RBFOX1: variants seen among roughly 807,000 people sequenced by gnomAD.
RBFOX1 encodes RNA binding protein fox-1 homolog 1.
RBFOX1 carries 8 observed loss-of-function variants against 57.7 expected under a neutral mutation model. The observed-to-expected ratio is 0.14, with a 90% CI of 0.08 to 0.25. The LOEUF (loss-of-function observed/expected upper bound fraction) is 0.25. Ranked by LOEUF, RBFOX1 falls within the 10% of genes least tolerant of loss-of-function variation. The probability of loss-of-function intolerance (pLI) is 1.00; values close to 1 mark genes in which losing one functional copy is unlikely to be tolerated. For missense variants in RBFOX1, 611 were observed against 548.5 expected, an observed-to-expected ratio of 1.11 and a Z score of -1.14; for synonymous variants, 326 against 222.4, an observed-to-expected ratio of 1.47 and a Z score of -4.15.
intron 3 of RBFOX1, among the ~76,000 whole-genome samples, chr16:6,953,511 G>A (rs1472149993): frequency 2.0e-5 from 3 of 152,038 alleles, no homozygotes; most frequent in South Asian, 2.1e-4. Flanking sequence ...TCAGCCTCCC[G>A]AGTAGCTGGG....
At chr16:7,013,062 C>T (rs2093727495) in intron 3 of RBFOX1, among the ~76,000 whole-genome samples, 1 of 152,106 alleles carries the variant, frequency 6.6e-6, no homozygotes, top group South Asian at 2.1e-4. Context: ...CAGTAATCCC[C>T]TTATGAGGAT....
chr16:6,403,645 G>A (rs906456958), intron 2 of RBFOX1, among the ~76,000 whole-genome samples: 6 of 152,070 alleles, frequency 3.9e-5, no homozygotes, highest in Non-Finnish European at 7.4e-5. Context: ...ATGAGCCACC[G>A]TGCCTGACAT....
intron 3 of RBFOX1, among the ~76,000 whole-genome samples, chr16:5,647,432 T>A (rs73529748): frequency 0.011 from 1,652 of 152,358 alleles, 30 homozygotes; most frequent in African/African-American, 0.037. Flanking sequence ...GTTTCATGTT[T>A]CATGTTTTTG....
chr16:6,960,542 C>A (rs182674170), intron 3 of RBFOX1, among the ~76,000 whole-genome samples: 1 of 152,050 alleles, frequency 6.6e-6, no homozygotes, highest in Admixed American at 6.6e-5. Flanking sequence ...TCAGGAGTCA[C>A]CTCTTTCTTG....
intron 1 of RBFOX1, among the ~76,000 whole-genome samples, chr16:5,299,936 CACTTT>C (rs2063762425): frequency 6.6e-6 from 1 of 151,692 alleles, no homozygotes; most frequent in Non-Finnish European, 1.5e-5. Flanking sequence ...TTAATAGATG[CACTTT>C]ATCACATTGA....
chr16:6,455,179 C>T (rs1213659433), intron 2 of RBFOX1, among the ~76,000 whole-genome samples: 4 of 151,910 alleles, frequency 2.6e-5, no homozygotes, highest in Admixed American at 6.6e-5. Flanking sequence ...AGGCGTGAGC[C>T]GCCACGCCTG....
chr16:7,058,369 C>T (rs916914147), intron 4 of RBFOX1, among the ~76,000 whole-genome samples: 1 of 152,046 alleles, frequency 6.6e-6, no homozygotes, highest in Non-Finnish European at 1.5e-5. Context: ...GAGCCTCCAG[C>T]CCCAGAGCAT....
At chr16:5,501,318 C>CAAAAAAAAAAAAAAA (rs1160788118) in intron 2 of RBFOX1, among the ~76,000 whole-genome samples, 37 of 64,866 alleles carry the variant, frequency 5.7e-4, no homozygotes, top group South Asian at 7.1e-4. Flanking sequence ...ACTCTGTCTA[C>CAAAAAAAAAAAAAAA]AAAAAAAAAA....
chr16:6,769,361 C>G (rs980141827), intron 3 of RBFOX1, among the ~76,000 whole-genome samples: 5 of 152,150 alleles, frequency 3.3e-5, no homozygotes, highest in African/African-American at 9.7e-5. Flanking sequence ...CGTAAGTTGC[C>G]TAGGCTTGAG....
intron 2 of RBFOX1, among the ~76,000 whole-genome samples, chr16:6,487,025 C>A (rs768373272): frequency 6.6e-6 from 1 of 151,990 alleles, no homozygotes; most frequent in Non-Finnish European, 1.5e-5. Context: ...GTTTGGAAAC[C>A]ATCGCATATT....
At chr16:5,775,066 C>T (rs1311625469) in intron 3 of RBFOX1, among the ~76,000 whole-genome samples, 3 of 152,160 alleles carry the variant, frequency 2.0e-5, no homozygotes, top group Admixed American at 2.0e-4. Context: ...GGAAAATCTC[C>T]ACAGTGCTTA....
intron 3 of RBFOX1, among the ~76,000 whole-genome samples, chr16:6,825,655 A>G (rs1163175311): frequency 6.6e-6 from 1 of 152,174 alleles, no homozygotes; most frequent in Non-Finnish European, 1.5e-5. Context: ...GCTTCACTGC[A>G]GAAAGCAGGA....
chr16:6,991,213 T>C (rs2091389703), intron 3 of RBFOX1, among the ~76,000 whole-genome samples: 1 of 149,844 alleles, frequency 6.7e-6, no homozygotes, highest in Non-Finnish European at 1.5e-5. Flanking sequence ...GGCAGGAGAA[T>C]TACTTGAGCC....
intron 1 of RBFOX1, among the ~76,000 whole-genome samples, chr16:5,325,788 T>C (rs2064553499): frequency 6.6e-6 from 1 of 152,246 alleles, no homozygotes; most frequent in Non-Finnish European, 1.5e-5. Flanking sequence ...TAGTATTCCA[T>C]TGTATGGATA....
chr16:6,694,579 C>G (rs1010700498), intron 3 of RBFOX1, among the ~76,000 whole-genome samples: 1 of 151,602 alleles, frequency 6.6e-6, no homozygotes, highest in African/African-American at 2.4e-5. Context: ...TCTTTACTGG[C>G]TTGGGTGCAG....
At chr16:5,339,470 G>GGTTTTTTTTTTTTTTTTTTT (rs1567354925) in intron 1 of RBFOX1, among the ~76,000 whole-genome samples, 6 of 40,854 alleles carry the variant, frequency 1.5e-4, no homozygotes, top group Non-Finnish European at 2.7e-4. Context: ...CTTTTTCCGT[G>GGTTTTTTTTTTTTTTTTTTT]TTTTTTTTTT....
At chr16:6,279,001 A>AT (rs1161255801) in intron 1 of RBFOX1, among the ~76,000 whole-genome samples, 1 of 152,092 alleles carries the variant, frequency 6.6e-6, no homozygotes, top group Non-Finnish European at 1.5e-5. Flanking sequence ...CTAAAATTTT[A>AT]TTAGACATTT....
At chr16:6,656,514 C>G (rs2098653267) in intron 3 of RBFOX1, among the ~76,000 whole-genome samples, 2 of 151,832 alleles carry the variant, frequency 1.3e-5, no homozygotes, top group African/African-American at 4.8e-5. Context: ...TCTGGCTACT[C>G]TGTGATGCAT....
At chr16:5,922,110 C>G (rs532256178) in intron 4 of RBFOX1, among the ~76,000 whole-genome samples, 15 of 152,220 alleles carry the variant, frequency 9.9e-5, no homozygotes, top group Admixed American at 3.3e-4. Flanking sequence ...GCAGTGAGCT[C>G]TGATCGCACC....
Sources: gnomAD v4.1 joint callset for allele counts (sites outside exome capture counted in the v4.1 genomes callset) on GRCh38, gnomAD v4.1.1 for gene constraint, MANE v1.5 for transcripts, NCBI Gene and HGNC (gene_info 2026-07-23, HGNC 2026-07-21) for gene names.